Variants in EXT1 observed in about 807,000 individuals in gnomAD.
EXT1 encodes the protein exostosin glycosyltransferase 1.
EXT1 carries 20 observed loss-of-function variants against 82.5 expected under a neutral mutation model. The observed-to-expected ratio is 0.24, with a 90% CI of 0.17 to 0.35. The LOEUF (loss-of-function observed/expected upper bound fraction) is 0.35, where lower values mean the gene tolerates loss of function less well. EXT1 is among the 10% of genes least tolerant of loss of function. The pLI, the probability that EXT1 is intolerant of heterozygous loss-of-function variation, is 1.00. For missense variants in EXT1, 757 were observed against 936.5 expected (o/e 0.81, Z 2.50); for synonymous variants, 348 against 350.8 (o/e 0.99, Z 0.09).
chr8:117,819,829 G>T (rs182236429), intron 5 of EXT1, 35 bp from the exon 6 acceptor site: 1 of 1,586,474 alleles, frequency 6.3e-7, no homozygotes, highest in Non-Finnish European at 8.7e-7. Context: ...CTAATGAAGC[G>T]CTGGAAAGCA....
intron 1 of EXT1, among the ~76,000 whole-genome samples, chr8:117,874,893 G>C (rs1388019117): frequency 6.6e-6 from 1 of 152,076 alleles, no homozygotes; most frequent in Non-Finnish European, 1.5e-5. Context: ...CTTCCTAACT[G>C]TCCATTAGCG....
At chr8:117,987,546 A>G (rs1224567419) in intron 1 of EXT1, among the ~76,000 whole-genome samples, 1 of 152,230 alleles carries the variant, frequency 6.6e-6, no homozygotes, top group Admixed American at 6.5e-5. Context: ...CAGCTCATTT[A>G]CCAAAGTGAA....
At chr8:118,021,774 C>T (rs1816106864) in intron 1 of EXT1, among the ~76,000 whole-genome samples, 2 of 152,192 alleles carry the variant, frequency 1.3e-5, no homozygotes, top group African/African-American at 4.8e-5. Context: ...CCAGACTACA[C>T]AGGTTCTTCG....
intron 1 of EXT1, among the ~76,000 whole-genome samples, chr8:117,857,100 C>T (rs1341826054): frequency 6.6e-6 from 1 of 152,178 alleles, no homozygotes; most frequent in Non-Finnish European, 1.5e-5. Context: ...ATATTTTAAG[C>T]CTACCGTTGA....
At chr8:118,023,556 G>C (rs148114766) in intron 1 of EXT1, among the ~76,000 whole-genome samples, 1 of 152,146 alleles carries the variant, frequency 6.6e-6, no homozygotes, top group Non-Finnish European at 1.5e-5. Context: ...AGGCTACTAG[G>C]AAAATGTAGT....
At chr8:117,806,226 T>A (rs1001051493) in intron 9 of EXT1, among the ~76,000 whole-genome samples, 1 of 152,224 alleles carries the variant, frequency 6.6e-6, no homozygotes, top group African/African-American at 2.4e-5. Context: ...TGTTATAGCC[T>A]CTTCTCAACA....
chr8:117,859,017 T>A (rs931975059), intron 1 of EXT1, among the ~76,000 whole-genome samples: 1 of 152,142 alleles, frequency 6.6e-6, no homozygotes, highest in Non-Finnish European at 1.5e-5. Flanking sequence ...CACCAAAGGC[T>A]CAGATGATCA....
At chr8:118,032,121 T>G (rs372405573) in intron 1 of EXT1, among the ~76,000 whole-genome samples, 60,760 of 139,232 alleles carry the variant, frequency 0.44, 13,442 homozygotes, top group Middle Eastern at 0.53. Context: ...TTTTGGCCAT[T>G]ACTCAATGGC....
intron 1 of EXT1, among the ~76,000 whole-genome samples, chr8:117,867,956 T>C (rs1179596730): frequency 6.6e-6 from 1 of 152,224 alleles, no homozygotes; most frequent in African/African-American, 2.4e-5. Context: ...ATTGAGGGCT[T>C]CAGCACACGA....
At chr8:117,963,909 T>C (rs948087278) in intron 1 of EXT1, among the ~76,000 whole-genome samples, 3 of 152,202 alleles carry the variant, frequency 2.0e-5, no homozygotes, top group Non-Finnish European at 2.9e-5. Flanking sequence ...TTATGCAAAA[T>C]ATATGGAGAT....
chr8:118,016,129 C>A (rs965094216), intron 1 of EXT1, among the ~76,000 whole-genome samples: 1 of 152,198 alleles, frequency 6.6e-6, no homozygotes, highest in Admixed American at 6.5e-5. Flanking sequence ...TGGTGGCTCA[C>A]GCCTATAATC....
At chr8:117,959,584 A>G (rs1415898346) in intron 1 of EXT1, among the ~76,000 whole-genome samples, 2 of 152,288 alleles carry the variant, frequency 1.3e-5, no homozygotes, top group East Asian at 3.9e-4. Flanking sequence ...ATCTTATTTA[A>G]CCTCCTCAGT....
intron 1 of EXT1, among the ~76,000 whole-genome samples, chr8:118,030,767 C>A (rs999577976): frequency 1.3e-5 from 2 of 152,142 alleles, no homozygotes; most frequent in African/African-American, 2.4e-5. Context: ...CAGGCATGAA[C>A]CACCGTGCCT....
intron 1 of EXT1, among the ~76,000 whole-genome samples, chr8:118,029,344 T>C (rs1364524955): frequency 1.3e-5 from 2 of 152,142 alleles, no homozygotes; most frequent in East Asian, 3.9e-4. Context: ...GAGAATCACT[T>C]GAGCCCAGGA....
intron 1 of EXT1, among the ~76,000 whole-genome samples, chr8:117,910,333 G>A (rs529966911): frequency 6.6e-6 from 1 of 152,256 alleles, no homozygotes; most frequent in Non-Finnish European, 1.5e-5. Context: ...TCCACTAGTA[G>A]GTCACCTTAC....
intron 1 of EXT1, among the ~76,000 whole-genome samples, chr8:117,940,539 G>GTCTATAAATAGCCCT (rs1267362239): frequency 5.9e-5 from 9 of 152,154 alleles, no homozygotes; most frequent in Non-Finnish European, 1.3e-4. Context: ...CCTGGGGTCT[G>GTCTATAAATAGCCCT]GGGAGTAGCT....
At chr8:118,012,054 CT>C (rs1223769016) in intron 1 of EXT1, among the ~76,000 whole-genome samples, 2 of 152,202 alleles carry the variant, frequency 1.3e-5, no homozygotes, top group Non-Finnish European at 2.9e-5. Context: ...CCAGTGCTCC[CT>C]TTCTTCACAC....
At chr8:117,837,282 G>T in intron 1 of EXT1, 81 bp from the exon 2 acceptor site, 1 of 1,183,540 alleles carries the variant, frequency 8.4e-7, no homozygotes, top group Non-Finnish European at 1.3e-6. Context: ...GCGCCCATGT[G>T]CATGAATTTA....
At chr8:118,062,776 G>T (rs900072483) in intron 1 of EXT1, among the ~76,000 whole-genome samples, 2 of 152,186 alleles carry the variant, frequency 1.3e-5, no homozygotes, top group Non-Finnish European at 2.9e-5. Flanking sequence ...GTTTTAGACA[G>T]AGTTGTTCTA....
Sources: gnomAD v4.1 joint callset for allele counts (sites outside exome capture counted in the v4.1 genomes callset) on GRCh38, gnomAD v4.1.1 for gene constraint, MANE v1.5 for transcripts, NCBI Gene and HGNC (gene_info 2026-07-23, HGNC 2026-07-21) for gene names.